Variants in RALGPS1 observed in about 807,000 individuals in gnomAD.
The protein encoded by RALGPS1 is ras-specific guanine nucleotide-releasing factor RalGPS1.
A neutral mutation model predicts 78.8 loss-of-function variants in RALGPS1; 19 were observed. That is an observed-to-expected ratio of 0.24 (90% CI 0.17 to 0.35). The LOEUF is 0.35. Among genes scored for constraint, RALGPS1 ranks in the 10% least tolerant of loss-of-function variants. RALGPS1 has a pLI of 1.00. For synonymous variants in RALGPS1, 228 were observed against 256.3 expected (o/e 0.89, Z 1.06); for missense variants, 454 against 688.3 (o/e 0.66, Z 3.81).
At chr9:127,031,741 C>G (rs776285505) in intron 4 of RALGPS1, among the ~76,000 whole-genome samples, 1 of 152,200 alleles carries the variant, frequency 6.6e-6, no homozygotes, top group Non-Finnish European at 1.5e-5. Context: ...AAGTACTTCT[C>G]AAACATAATG....
At chr9:127,137,432 TG>T (rs2057475314) in intron 8 of RALGPS1, among the ~76,000 whole-genome samples, 1 of 152,196 alleles carries the variant, frequency 6.6e-6, no homozygotes, top group South Asian at 2.1e-4. Context: ...GCTGAGTGAC[TG>T]GGGGGAAGTC....
At chr9:127,203,270 G>C (rs535237143) in intron 14 of RALGPS1, among the ~76,000 whole-genome samples, 1 of 152,146 alleles carries the variant, frequency 6.6e-6, no homozygotes, top group African/African-American at 2.4e-5. Context: ...GTATTCTTCA[G>C]ATTTTCCACA....
intron 8 of RALGPS1, among the ~76,000 whole-genome samples, chr9:127,090,726 G>T (rs2052365655): frequency 6.6e-6 from 1 of 152,204 alleles, no homozygotes. Context: ...GAGGGGACTG[G>T]GTTTGCCCTT....
intron 3 of RALGPS1, among the ~76,000 whole-genome samples, chr9:126,966,987 C>T (rs778214558): frequency 1.3e-5 from 2 of 152,120 alleles, no homozygotes; most frequent in Non-Finnish European, 1.5e-5. Flanking sequence ...GAACTTCTCT[C>T]CAGAACCCTG....
intron 1 of RALGPS1, among the ~76,000 whole-genome samples, chr9:126,940,384 ATGTTTG>A (rs1275490684): frequency 4.6e-5 from 7 of 151,822 alleles, no homozygotes; most frequent in Non-Finnish European, 1.0e-4. Context: ...AATAGTGTTT[ATGTTTG>A]TGTACTTTTC....
chr9:127,186,126 T>C (rs2060627058), intron 11 of RALGPS1, among the ~76,000 whole-genome samples: 1 of 152,224 alleles, frequency 6.6e-6, no homozygotes, highest in South Asian at 2.1e-4. Flanking sequence ...GAGAGGTCTG[T>C]TGGGCAGCCT....
chr9:127,187,056 C>T (rs1417874323), intron 11 of RALGPS1, among the ~76,000 whole-genome samples: 5 of 152,174 alleles, frequency 3.3e-5, no homozygotes, highest in African/African-American at 4.8e-5. Flanking sequence ...GGAGCCTCCG[C>T]GTCTCACTGC....
chr9:127,143,822 G>A (rs1192996029), intron 8 of RALGPS1, among the ~76,000 whole-genome samples: 3 of 152,138 alleles, frequency 2.0e-5, no homozygotes, highest in Admixed American at 2.0e-4. Flanking sequence ...TTCTTTCTAG[G>A]TGCTCCGTAA....
chr9:126,964,734 GTTT>G (rs1444082816), intron 2 of RALGPS1, among the ~76,000 whole-genome samples: 5 of 152,158 alleles, frequency 3.3e-5, no homozygotes, highest in African/African-American at 1.2e-4. Context: ...AAATCTGCAG[GTTT>G]AAGTTCCTGC....
intron 11 of RALGPS1, chr9:127,178,156 GA>G (rs1365013146): frequency 7.7e-6 from 5 of 649,180 alleles, no homozygotes; most frequent in Non-Finnish European, 1.2e-5. Flanking sequence ...TGTGGGCAGG[GA>G]GGGGGAAGCA....
intron 1 of RALGPS1, among the ~76,000 whole-genome samples, chr9:126,958,142 A>AAAAATATATAT (rs113413659): frequency 1.3e-5 from 1 of 77,084 alleles, no homozygotes. Context: ...AAAAAAAAAA[A>AAAAATATATAT]ATATATATAT....
chr9:127,054,093 G>C (rs1216383313), intron 7 of RALGPS1, among the ~76,000 whole-genome samples: 1 of 152,178 alleles, frequency 6.6e-6, no homozygotes, highest in Non-Finnish European at 1.5e-5. Context: ...ATTTCCACCA[G>C]AGCAGCTCTG....
At chr9:127,163,494 G>A (rs978811252) in intron 8 of RALGPS1, among the ~76,000 whole-genome samples, 2 of 152,214 alleles carry the variant, frequency 1.3e-5, no homozygotes, top group African/African-American at 4.8e-5. Context: ...AAGTGGAAAT[G>A]GCTCCTGTGA....
intron 14 of RALGPS1, chr9:127,210,526 G>T (rs1036286460): frequency 1.7e-6 from 1 of 603,742 alleles, no homozygotes; most frequent in Admixed American, 2.8e-5. Flanking sequence ...GCAGCTCCAG[G>T]TGTGCTTGTA....
intron 9 of RALGPS1, among the ~76,000 whole-genome samples, chr9:127,168,161 C>A (rs1261069100): frequency 6.6e-6 from 1 of 152,230 alleles, no homozygotes; most frequent in Non-Finnish European, 1.5e-5. Context: ...TCCCTTTCTT[C>A]CTAGGGTGCA....
At chr9:126,962,767 T>C (rs1185328928) in intron 2 of RALGPS1, among the ~76,000 whole-genome samples, 1 of 152,256 alleles carries the variant, frequency 6.6e-6, no homozygotes, top group African/African-American at 2.4e-5. Context: ...ACTGGTGGTC[T>C]GCAGTGGCCT....
At chr9:127,168,162 C>T (rs1203348929) in intron 9 of RALGPS1, among the ~76,000 whole-genome samples, 1 of 152,212 alleles carries the variant, frequency 6.6e-6, no homozygotes, top group Non-Finnish European at 1.5e-5. Context: ...CCCTTTCTTC[C>T]TAGGGTGCAG....
chr9:127,020,855 G>T (rs1239226302), intron 4 of RALGPS1, among the ~76,000 whole-genome samples: 1 of 152,182 alleles, frequency 6.6e-6, no homozygotes, highest in Non-Finnish European at 1.5e-5. Context: ...TGAGCAAATT[G>T]TTGAACTTCT....
intron 14 of RALGPS1, among the ~76,000 whole-genome samples, chr9:127,209,480 T>C (rs1417422080): frequency 6.6e-6 from 1 of 152,202 alleles, no homozygotes; most frequent in Non-Finnish European, 1.5e-5. Context: ...GGGCCTCTCT[T>C]GTCTGTGCTA....
Sources: gnomAD v4.1 joint callset for allele counts (sites outside exome capture counted in the v4.1 genomes callset) on GRCh38, gnomAD v4.1.1 for gene constraint, MANE v1.5 for transcripts, NCBI Gene and HGNC (gene_info 2026-07-23, HGNC 2026-07-21) for gene names.